SLC30A6: variants seen among roughly 807,000 people sequenced by gnomAD.
SLC30A6 encodes the protein zinc transporter 6.
SLC30A6 carries 55 observed loss-of-function variants against 63.0 expected under a neutral mutation model. That is an observed-to-expected ratio of 0.87 (90% CI 0.70 to 1.09). SLC30A6 has a LOEUF of 1.09. Among genes scored for constraint, SLC30A6 ranks in the 50% least tolerant of loss-of-function variants. SLC30A6 has a pLI of 0.00. For missense variants in SLC30A6, 587 were observed against 549.2 expected (o/e 1.07, Z -0.69); for synonymous variants, 224 against 186.1 (o/e 1.20, Z -1.66).
intron 13 of SLC30A6, among the ~76,000 whole-genome samples, chr2:32,219,703 T>C (rs1686006258): frequency 6.6e-6 from 1 of 152,322 alleles, no homozygotes; most frequent in South Asian, 2.1e-4. Context: ...CCCAAAGTGC[T>C]GGGATTACAG....
In SLC30A6 at chr2:32,205,659, C is replaced by CTTTTTTTTTTTTTTTTTTTTT. The variant is rs1478767845; in HGVS notation, c.768+969_768+970insTTTTTTTTTTTTTTTTTTTTT. On this transcript the variant is annotated intron_variant, in intron 11 of 13. Transcript: ENST00000282587. The stretch of plus-strand genomic sequence containing the variant: ...TATTTTTCAAGTGAAAAGAATGTTA[C>CTTTTTTTTTTTTTTTTTTTTT]TTCTTTTTTTTTTTTTTTTTTTTTT... 3.1e-5 allele frequency among the ~76,000 whole-genome samples: 3 copies of CTTTTTTTTTTTTTTTTTTTTT among 97,702 alleles called. 1 individual carries two copies. Among genetic ancestry groups the CTTTTTTTTTTTTTTTTTTTTT allele is most frequent in the African/African-American group, 7.9e-5 (2 of 25,332 alleles). 64.1% of individuals were successfully genotyped at this position (97,702 alleles called of 152,430 possible).
chr2:32,165,964 C>T (rs1281529107), intron 1 of SLC30A6, 61 bp downstream of exon 1: 1 of 1,612,360 alleles, frequency 6.2e-7, no homozygotes, highest in African/African-American at 1.3e-5. Flanking sequence ...CTTATTTGGT[C>T]CCGAAGCGAC....
At chr2:32,186,238 T>C (rs1682800647) in intron 5 of SLC30A6, among the ~76,000 whole-genome samples, 1 of 152,210 alleles carries the variant, frequency 6.6e-6, no homozygotes, top group Non-Finnish European at 1.5e-5. Context: ...TGTCGCCATG[T>C]TGGTCAACCT....
At chr2:32,203,794 G>T in intron 10 of SLC30A6, 1 of 1,485,298 alleles carries the variant, frequency 6.7e-7, no homozygotes, top group East Asian at 2.3e-5. Flanking sequence ...TGAAATTGAA[G>T]AATATTATGA....
chr2:32,180,781 C>T (rs954801324), intron 4 of SLC30A6, among the ~76,000 whole-genome samples: 1 of 152,090 alleles, frequency 6.6e-6, no homozygotes, highest in African/African-American at 2.4e-5. Flanking sequence ...ACTAATGTTA[C>T]CAACCATATT....
chr2:32,170,684 C>T (rs950248359), intron 1 of SLC30A6, among the ~76,000 whole-genome samples: 3 of 152,144 alleles, frequency 2.0e-5, no homozygotes, highest in African/African-American at 7.2e-5. Flanking sequence ...CTGCAAACTC[C>T]ACCTCCCAGG....
chr2:32,215,580 T>G (rs1020759244), intron 13 of SLC30A6, among the ~76,000 whole-genome samples: 1 of 150,052 alleles, frequency 6.7e-6, no homozygotes, highest in Admixed American at 6.6e-5. Flanking sequence ...AAATAAAAAC[T>G]TGTAACTAAG....
intron 13 of SLC30A6, 65 bp from the exon 14 acceptor site, chr2:32,220,148 A>G (rs1347861145): frequency 6.7e-7 from 1 of 1,501,444 alleles, no homozygotes; most frequent in Middle Eastern, 1.8e-4. Flanking sequence ...AAAATGTTTT[A>G]TCTAATGAAT....
Position 32,224,318 on chromosome 2 carries a change from G to C in SLC30A6, c.*3605G>C. 1.7e-6 allele frequency: 1 copy of C among 581,574 alleles called. No individual in the cohort carries two copies. The highest frequency in any genetic ancestry group is 3.0e-6 in the Non-Finnish European group (1 of 336,036). The allele number at this position is 581,574 out of a possible 1,614,324, so 36.0% of individuals were successfully genotyped here. A position where few individuals can be genotyped will look rare whatever the true frequency, so the allele number is the denominator to read the frequency against. On this transcript the variant is annotated 3_prime_UTR_variant, in exon 14 of 14. Transcript: ENST00000282587. Reference sequence around the variant, plus strand: ...AGGCGCCGATAATCCTAGTAGGAGAGCTAAGACACAAAACTGTTGCATGTT... The same window carrying C: ...AGGCGCCGATAATCCTAGTAGGAGACCTAAGACACAAAACTGTTGCATGTT...
intron 10 of SLC30A6, among the ~76,000 whole-genome samples, chr2:32,198,488 C>T (rs986305199): frequency 2.0e-5 from 3 of 152,086 alleles, no homozygotes; most frequent in African/African-American, 7.2e-5. Flanking sequence ...GTTTTTTCTT[C>T]TATCTCCCAT....
intron 2 of SLC30A6, among the ~76,000 whole-genome samples, chr2:32,172,020 C>T (rs975693918): frequency 1.3e-5 from 2 of 152,008 alleles, no homozygotes; most frequent in African/African-American, 4.8e-5. Context: ...TAATGTAGGG[C>T]AAGAAAAATA....
intron 10 of SLC30A6, chr2:32,202,715 A>C: frequency 1.5e-6 from 1 of 685,312 alleles, no homozygotes; most frequent in Non-Finnish European, 2.7e-6. Context: ...AACAAGTTGA[A>C]GATATTATTC....
At chr2:32,189,704 G>T (rs2148846313) in intron 5 of SLC30A6, among the ~76,000 whole-genome samples, 1 of 138,508 alleles carries the variant, frequency 7.2e-6, no homozygotes, top group South Asian at 2.3e-4. Flanking sequence ...CAACACCTGG[G>T]CTCAAGTGGC....
At chr2:32,217,844 C>CTTTTTTTTTTTTTTTTTTTTT (rs61606348) in intron 13 of SLC30A6, among the ~76,000 whole-genome samples, 1 of 143,744 alleles carries the variant, frequency 7.0e-6, no homozygotes. Flanking sequence ...GGATTGAATT[C>CTTTTTTTTTTTTTTTTTTTTT]TTTTTTTTTT....
chr2:32,186,228 TGTCG>T (rs1194591108), intron 5 of SLC30A6, among the ~76,000 whole-genome samples: 1 of 152,098 alleles, frequency 6.6e-6, no homozygotes, highest in Non-Finnish European at 1.5e-5. Context: ...AGAGATGGAG[TGTCG>T]CCATGTTGGT....
At chr2:32,199,240 A>G (rs1684055697) in intron 10 of SLC30A6, among the ~76,000 whole-genome samples, 1 of 152,208 alleles carries the variant, frequency 6.6e-6, no homozygotes, top group African/African-American at 2.4e-5. Flanking sequence ...TTACCCATTT[A>G]TCCATCAGTG....
At chr2:32,178,193 C>G (rs936874695) in intron 4 of SLC30A6, among the ~76,000 whole-genome samples, 1 of 151,004 alleles carries the variant, frequency 6.6e-6, no homozygotes, top group Non-Finnish European at 1.5e-5. Context: ...GTGATCCGCC[C>G]GCCTCGGCTT....
intron 4 of SLC30A6, chr2:32,177,526 A>G: frequency 4.5e-6 from 1 of 220,430 alleles, no homozygotes; most frequent in Admixed American, 5.7e-5. Flanking sequence ...TCCTGACCTC[A>G]AGTGGTCCAC....
intron 10 of SLC30A6, chr2:32,203,264 A>G (rs564911689): frequency 1.4e-4 from 130 of 962,252 alleles, no homozygotes; most frequent in African/African-American, 2.2e-4. Flanking sequence ...AGGGATTTGT[A>G]TATGTTTTTA....
Sources: allele counts gnomAD v4.1 joint callset (sites outside exome capture counted in the v4.1 genomes callset), GRCh38; gene constraint gnomAD v4.1.1; transcripts MANE v1.5; gene names NCBI Gene and HGNC (gene_info 2026-07-23, HGNC 2026-07-21).